Variants in ASPRV1 observed in about 807,000 individuals in gnomAD.
ASPRV1 encodes retroviral-like aspartic protease 1.
ASPRV1 carries 7 observed loss-of-function variants against 11.0 expected under a neutral mutation model. The ratio of observed to expected loss-of-function variants is 0.64; its 90% confidence interval spans 0.36 to 1.20. The LOEUF is 1.20. ASPRV1 is among the 50% of genes most tolerant of loss of function. The pLI, the probability that ASPRV1 is intolerant of heterozygous loss-of-function variation, is 0.02. For missense variants in ASPRV1, 299 were observed against 320.0 expected (o/e 0.93, Z 0.50); for synonymous variants, 136 against 138.4 (o/e 0.98, Z 0.12).
downstream of ASPRV1, among the ~76,000 whole-genome samples, chr2:69,956,325 G>A (rs1677934514): frequency 1.3e-5 from 2 of 151,974 alleles, no homozygotes; most frequent in African/African-American, 2.4e-5. Context: ...AATTAGTCCT[G>A]TAAGCCCAGC....
chr2:70,010,040 T>C, the ASPRV1 span, among the ~76,000 whole-genome samples: 1 of 151,778 alleles, frequency 6.6e-6, no homozygotes, highest in African/African-American at 2.4e-5. Context: ...TGGGGTGTGG[T>C]AGGGGCAAAG....
the ASPRV1 span, among the ~76,000 whole-genome samples, chr2:69,984,285 T>C: frequency 6.6e-6 from 1 of 152,110 alleles, no homozygotes. Context: ...GTGATCCACC[T>C]GCCTCAGCCT....
the ASPRV1 span, among the ~76,000 whole-genome samples, chr2:70,043,978 T>C: frequency 1.3e-5 from 2 of 152,110 alleles, no homozygotes; most frequent in Non-Finnish European, 2.9e-5. Context: ...CAAGTATTTC[T>C]TTAGAGACCC....
chr2:69,939,441 C>T, the ASPRV1 span: 4 of 152,600 alleles, frequency 2.6e-5, no homozygotes, highest in Admixed American at 6.5e-5. Flanking sequence ...AAGTGGTCTC[C>T]GACTTTGTAG....
the ASPRV1 span, among the ~76,000 whole-genome samples, chr2:70,047,019 T>G: frequency 1.3e-5 from 2 of 152,178 alleles, no homozygotes; most frequent in Non-Finnish European, 2.9e-5. Flanking sequence ...TTAAACAAAT[T>G]CTTAATCTGG....
At chr2:70,012,107 G>C in the ASPRV1 span, 1 of 151,974 alleles carries the variant, frequency 6.6e-6, no homozygotes, top group African/African-American at 2.4e-5. Flanking sequence ...TATGATCCCT[G>C]GACTCCTGGG....
At chr2:69,995,088 T>C in the ASPRV1 span, among the ~76,000 whole-genome samples, 1 of 150,134 alleles carries the variant, frequency 6.7e-6, no homozygotes, top group South Asian at 2.1e-4. Flanking sequence ...GAATATTGTT[T>C]TGACAAAACT....
At chr2:70,078,760 C>T in the ASPRV1 span, among the ~76,000 whole-genome samples, 1 of 152,122 alleles carries the variant, frequency 6.6e-6, no homozygotes, top group East Asian at 1.9e-4. Context: ...CCTTTTAATC[C>T]AGGTGGGATT....
At chr2:70,070,147 CCA>C in the ASPRV1 span, 1 of 134,442 alleles carries the variant, frequency 7.4e-6, no homozygotes, top group Non-Finnish European at 1.5e-5. Flanking sequence ...CCATTGCACT[CCA>C]GACTGGGTAA....
the ASPRV1 span, among the ~76,000 whole-genome samples, chr2:70,066,218 G>C: frequency 1.3e-5 from 2 of 151,932 alleles, no homozygotes; most frequent in African/African-American, 4.8e-5. Context: ...ACACAAAGCA[G>C]TTCAATGGAA....
chr2:70,052,974 A>G, the ASPRV1 span, among the ~76,000 whole-genome samples: 3 of 152,132 alleles, frequency 2.0e-5, no homozygotes, highest in African/African-American at 7.2e-5. Flanking sequence ...TCTTTCTATG[A>G]GCAGAAATGA....
At chr2:69,967,281 G>A in the ASPRV1 span, among the ~76,000 whole-genome samples, 6 of 152,296 alleles carry the variant, frequency 3.9e-5, no homozygotes, top group African/African-American at 9.6e-5. Flanking sequence ...TAGGAGGTGC[G>A]GGGCACACTG....
the ASPRV1 span, among the ~76,000 whole-genome samples, chr2:70,003,955 C>T: frequency 0.038 from 5,709 of 152,190 alleles, 368 homozygotes; most frequent in African/African-American, 0.13. Context: ...TCTTGGACTT[C>T]CTAGCCTCTA....
At chr2:69,966,271 T>C (rs1053183297), upstream of ASPRV1, among the ~76,000 whole-genome samples, 11 of 152,382 alleles carry the variant, frequency 7.2e-5, no homozygotes, top group African/African-American at 2.6e-4. Context: ...ATTACTAAGA[T>C]GTCCTGAAGG....
At chr2:69,955,935 A>G (rs1677927901), downstream of ASPRV1, among the ~76,000 whole-genome samples, 2 of 151,994 alleles carry the variant, frequency 1.3e-5, no homozygotes, top group African/African-American at 2.4e-5. Flanking sequence ...AGTAGCAAGA[A>G]GCACACACAC....
the ASPRV1 span, among the ~76,000 whole-genome samples, chr2:70,019,558 A>G: frequency 1.3e-5 from 2 of 152,218 alleles, no homozygotes; most frequent in Non-Finnish European, 2.9e-5. Context: ...TGGTACATAT[A>G]CACAATGGAG....
At chr2:70,061,232 T>A in the ASPRV1 span, among the ~76,000 whole-genome samples, 1 of 151,256 alleles carries the variant, frequency 6.6e-6, no homozygotes, top group African/African-American at 2.4e-5. Flanking sequence ...CCCGTCTCCA[T>A]GAAAAATACA....
At chr2:69,993,759 T>A in the ASPRV1 span, 2 of 152,278 alleles carry the variant, frequency 1.3e-5, no homozygotes, top group Admixed American at 1.3e-4. Context: ...CCCTATGGAA[T>A]GGGACAATAA....
At chr2:70,057,485 CT>C in the ASPRV1 span, among the ~76,000 whole-genome samples, 69 of 147,002 alleles carry the variant, frequency 4.7e-4, no homozygotes, top group African/African-American at 4.9e-4. Flanking sequence ...CATTATGTAT[CT>C]TTTTTTTTTT....
Sources: allele counts gnomAD v4.1 joint callset (sites outside exome capture counted in the v4.1 genomes callset), GRCh38; gene constraint gnomAD v4.1.1; transcripts MANE v1.5; gene names NCBI Gene and HGNC (gene_info 2026-07-23, HGNC 2026-07-21).